The following TLK1 variants were observed in gnomAD, a reference collection of about 807,000 sequenced individuals.
The protein encoded by TLK1 is serine/threonine-protein kinase tousled-like 1.
Under a neutral mutation model 105.3 loss-of-function variants are expected in TLK1, and 24 were observed. The observed-to-expected ratio is 0.23, with a 90% CI of 0.17 to 0.32. The LOEUF (loss-of-function observed/expected upper bound fraction) is 0.32. Among genes scored for constraint, TLK1 ranks in the 10% least tolerant of loss-of-function variants. TLK1 has a pLI of 1.00. For synonymous variants in TLK1, 321 were observed against 310.4 expected, an observed-to-expected ratio of 1.03 and a Z score of -0.36; for missense variants, 558 against 910.5, an observed-to-expected ratio of 0.61 and a Z score of 4.98.
intron 3 of TLK1, among the ~76,000 whole-genome samples, chr2:171,076,010 G>A (rs1394029012): frequency 6.6e-6 from 1 of 152,174 alleles, no homozygotes; most frequent in Non-Finnish European, 1.5e-5. Flanking sequence ...TTGCGGTCAG[G>A]AGTTCAAGAC....
intron 3 of TLK1, chr2:171,067,109 G>T (rs1156983949): frequency 7.5e-6 from 6 of 799,390 alleles, no homozygotes; most frequent in Middle Eastern, 8.2e-4. Context: ...TATTTCTCTG[G>T]TATACATACT....
intron 3 of TLK1, among the ~76,000 whole-genome samples, chr2:171,063,337 C>A (rs541140967): frequency 6.6e-6 from 1 of 152,110 alleles, no homozygotes; most frequent in East Asian, 1.9e-4. Context: ...CACAGCGAGA[C>A]TCCATCTCAA....
At chr2:171,030,665 C>T (rs894647817) in intron 11 of TLK1, among the ~76,000 whole-genome samples, 2 of 152,084 alleles carry the variant, frequency 1.3e-5, no homozygotes, top group Non-Finnish European at 2.9e-5. Flanking sequence ...ATCATAAATT[C>T]ATATTCTTAA....
chr2:171,015,729 ACACC>A (rs535691995), intron 12 of TLK1, among the ~76,000 whole-genome samples: 1,581 of 6,298 alleles, frequency 0.25, 27 homozygotes, highest in Non-Finnish European at 0.28. Context: ...ACACACACAC[ACACC>A]CACCCCTTTT....
chr2:171,211,637 C>T lies in TLK1; in HGVS notation c.-6+19508G>A, dbSNP rs141732858. On this transcript the variant is annotated intron_variant, in intron 1 of 20. Transcript: ENST00000521943. ...CGATGTTGGTTCACTGCAGCATCCG[C>T]CTCCCGGGTTCAAGTGGTTCTCCTG... Among the ~76,000 whole-genome samples, 1,108 of 152,168 alleles carry T rather than the reference C, an allele frequency of 7.3e-3. 10 individuals are homozygous for T. Among genetic ancestry groups the T allele is most frequent in the African/African-American group, 0.025 (1,055 of 41,498 alleles).
intron 2 of TLK1, chr2:171,091,824 A>T (rs1689249586): frequency 6.6e-6 from 1 of 152,108 alleles, no homozygotes; most frequent in Non-Finnish European, 1.5e-5. Context: ...GGCTAACTGC[A>T]AGCTCCGCCT....
At chr2:171,224,095 T>G (rs1693856863) in intron 1 of TLK1, among the ~76,000 whole-genome samples, 1 of 152,216 alleles carries the variant, frequency 6.6e-6, no homozygotes, top group Admixed American at 6.5e-5. Context: ...TAGATTTAAG[T>G]CTTTACTCCA....
chr2:171,050,304 GA>G (rs72027962), intron 8 of TLK1, 130 bp from the exon 9 acceptor site: 21,749 of 390,780 alleles, frequency 0.056, no homozygotes, highest in East Asian at 0.082. Context: ...TATGATACGA[GA>G]AAAAAAAAAA....
intron 4 of TLK1, among the ~76,000 whole-genome samples, chr2:171,059,221 A>C (rs963701091): frequency 6.6e-6 from 1 of 152,176 alleles, no homozygotes; most frequent in African/African-American, 2.4e-5. Context: ...TGTCCATAAT[A>C]ATTTCTCTGT....
At chr2:171,070,483 TTG>T (rs1688201612) in intron 3 of TLK1, among the ~76,000 whole-genome samples, 1 of 152,178 alleles carries the variant, frequency 6.6e-6, no homozygotes, top group Admixed American at 6.5e-5. Context: ...ATAAGTTGCA[TTG>T]TCTTAATTTT....
intron 1 of TLK1, among the ~76,000 whole-genome samples, chr2:171,134,155 T>A (rs897955572): frequency 6.6e-6 from 1 of 152,240 alleles, no homozygotes; most frequent in Non-Finnish European, 1.5e-5. Flanking sequence ...AGGCAAGGTA[T>A]GATTAATTCT....
intron 1 of TLK1, among the ~76,000 whole-genome samples, chr2:171,191,469 CT>C (rs1376576497): frequency 6.6e-6 from 1 of 152,018 alleles, no homozygotes; most frequent in African/African-American, 2.4e-5. Flanking sequence ...GTCCCAGCTA[CT>C]ACAGGGACTG....
At chr2:171,019,537 T>C (rs1025218878) in intron 12 of TLK1, among the ~76,000 whole-genome samples, 1 of 152,220 alleles carries the variant, frequency 6.6e-6, no homozygotes, top group African/African-American at 2.4e-5. Context: ...TTAAACTTGC[T>C]AGTTTAAAGT....
intron 1 of TLK1, among the ~76,000 whole-genome samples, chr2:171,133,290 AAAC>A (rs1691177166): frequency 6.6e-6 from 1 of 152,176 alleles, no homozygotes; most frequent in African/African-American, 2.4e-5. Flanking sequence ...AAGAGAGAAA[AAAC>A]AACAAGATTT....
chr2:171,041,155 AT>A (rs1686657362), intron 11 of TLK1, among the ~76,000 whole-genome samples: 1 of 152,224 alleles, frequency 6.6e-6, no homozygotes. Context: ...TTTACTCTGA[AT>A]AAAAAGTCCT....
chr2:171,155,436 G>GA (rs143233924), intron 1 of TLK1, among the ~76,000 whole-genome samples: 7,577 of 152,014 alleles, frequency 0.05, 272 homozygotes, highest in Admixed American at 0.12. Flanking sequence ...ATCCTCAGAG[G>GA]AAAAGCACAA....
intron 2 of TLK1, among the ~76,000 whole-genome samples, chr2:171,090,977 T>C (rs1689202824): frequency 1.3e-5 from 2 of 152,214 alleles, no homozygotes; most frequent in African/African-American, 4.8e-5. Flanking sequence ...GCCATACAGA[T>C]ACAAAAGATG....
At chr2:171,195,460 G>A (rs914295103) in intron 1 of TLK1, among the ~76,000 whole-genome samples, 3 of 134,934 alleles carry the variant, frequency 2.2e-5, no homozygotes, top group African/African-American at 5.8e-5. Context: ...CCCAGATGGC[G>A]CCACTGCACT....
In TLK1 at chr2:170,993,437, A is replaced by G. The variant is rs1683878611; in HGVS notation, c.*343T>C. Reference sequence around the variant, plus strand: ...ATTAGAACTCTCTAGTAACAACCAAATGTATTTAAGTATTATAAACGTTAT... The same window carrying G: ...ATTAGAACTCTCTAGTAACAACCAAGTGTATTTAAGTATTATAAACGTTAT... On this transcript the variant is annotated 3_prime_UTR_variant, in exon 21 of 21. Transcript: ENST00000431350. 1 of 179,252 alleles carries G rather than the reference A, an allele frequency of 5.6e-6. No individual in the cohort carries two copies. Among genetic ancestry groups the G allele is most frequent in the African/African-American group, 2.3e-5 (1 of 42,648 alleles). 11.1% of individuals were successfully genotyped at this position (179,252 alleles called of 1,614,324 possible). A position where few individuals can be genotyped will look rare whatever the true frequency, so the allele number is the denominator to read the frequency against.
Sources: gnomAD v4.1 joint callset for allele counts (sites outside exome capture counted in the v4.1 genomes callset) on GRCh38, gnomAD v4.1.1 for gene constraint, MANE v1.5 for transcripts, NCBI Gene and HGNC (gene_info 2026-07-23, HGNC 2026-07-21) for gene names.